Variants in GMPS observed in about 807,000 individuals in gnomAD.
GMPS encodes guanosine monophosphate synthase.
In GMPS, 15 loss-of-function variants were observed where a neutral mutation model predicts 77.9. That is an observed-to-expected ratio of 0.19 (90% CI 0.13 to 0.30). GMPS has a LOEUF of 0.30. Ranked by LOEUF, GMPS falls within the 10% of genes least tolerant of loss-of-function variation. The pLI is 1.00. For synonymous variants in GMPS, 224 were observed against 275.9 expected, an observed-to-expected ratio of 0.81 and a Z score of 1.86; for missense variants, 590 against 838.8, an observed-to-expected ratio of 0.70 and a Z score of 3.66.
intron 12 of GMPS, among the ~76,000 whole-genome samples, chr3:155,928,311 A>T (rs1386057474): frequency 6.6e-6 from 1 of 152,080 alleles, no homozygotes; most frequent in African/African-American, 2.4e-5. Flanking sequence ...TACAGGCATG[A>T]GCTACCACGC....
intron 8 of GMPS, among the ~76,000 whole-genome samples, chr3:155,915,019 C>T (rs1412801980): frequency 6.6e-6 from 1 of 152,092 alleles, no homozygotes; most frequent in Non-Finnish European, 1.5e-5. Flanking sequence ...CCGCCCGCCT[C>T]AGCCTCCCGA....
At chr3:155,918,963 G>C (rs1041305214) in intron 9 of GMPS, among the ~76,000 whole-genome samples, 2 of 152,162 alleles carry the variant, frequency 1.3e-5, no homozygotes, top group African/African-American at 4.8e-5. Flanking sequence ...ATGAGAATTA[G>C]ATCAGAGATG....
Position 155,913,933 on chromosome 3 carries a change from A to G in GMPS, c.887-486A>G, listed in dbSNP as rs1755102344. Among the ~76,000 whole-genome samples, 4 of 151,734 alleles carry G rather than the reference A, an allele frequency of 2.6e-5. No individual in the cohort carries two copies. The South Asian group carries it at 8.3e-4, about 32-fold the overall frequency. ...GAATTCTGTTACTCAGGATTTATTG[A>G]TAGTTCTTTTTCTTTTCTTATTTTT... is the stretch of plus-strand genomic sequence containing the variant. On this transcript the variant is annotated intron_variant, in intron 7 of 15. Transcript: ENST00000496455.
At chr3:155,896,202 G>C (rs376444276) in intron 2 of GMPS, among the ~76,000 whole-genome samples, 299 of 151,970 alleles carry the variant, frequency 2.0e-3, no homozygotes, top group African/African-American at 6.6e-3. Flanking sequence ...GTAGAGACAG[G>C]GTTTTGCCAT....
chr3:155,911,207 A>G lies in GMPS; in HGVS notation c.814A>G (p.Asn272Asp), dbSNP rs1162177577. The G allele has an allele frequency of 5.0e-6, 8 of 1,612,956 alleles. No individual in the cohort carries two copies. The Admixed American group carries it at 6.7e-5, about 13-fold the overall frequency. The change falls in exon 7 of 16, where the codon AAT (asparagine) becomes GAT (aspartate). Residue 272 changes from asparagine to aspartate, a missense_variant. Physicochemically the swap from Asn to Asp is conservative, Grantham distance 23. Transcript: ENST00000496455. ...QEQVIAVHID[N>D]GFMRKRESQS... ...ACAAGTCATTGCTGTGCACATTGAT[A>G]ATGGCTTTATGAGAAAACGAGAAAG...
chr3:155,931,255 A>T (rs544913913), intron 12 of GMPS, among the ~76,000 whole-genome samples: 1 of 151,312 alleles, frequency 6.6e-6, no homozygotes, highest in African/African-American at 2.4e-5. Flanking sequence ...ACGATCTCTC[A>T]GCTCACTGCA....
intron 1 of GMPS, among the ~76,000 whole-genome samples, chr3:155,877,862 A>T (rs1283312380): frequency 2.0e-5 from 3 of 147,648 alleles, no homozygotes; most frequent in Non-Finnish European, 3.0e-5. Flanking sequence ...GCTCACTGCA[A>T]CCTCCACCTC....
chr3:155,929,396 C>T (rs1260353608), intron 12 of GMPS, among the ~76,000 whole-genome samples: 2 of 152,020 alleles, frequency 1.3e-5, no homozygotes, highest in Admixed American at 6.6e-5. Context: ...GACAAACCCA[C>T]AGCCAATATC....
chr3:155,874,929 A>G (rs1397072734), intron 1 of GMPS, among the ~76,000 whole-genome samples: 1 of 108,348 alleles, frequency 9.2e-6, no homozygotes, highest in Non-Finnish European at 1.7e-5. Flanking sequence ...TTTTTTTGAG[A>G]CAGAGTCTGG....
intron 5 of GMPS, among the ~76,000 whole-genome samples, chr3:155,909,964 G>A (rs187193839): frequency 6.9e-4 from 105 of 151,378 alleles, no homozygotes; most frequent in African/African-American, 2.5e-3. Context: ...AATAAAATAG[G>A]CCGGGCGCAG....
In GMPS at chr3:155,925,274, A is replaced by G. The variant is rs1446764946; in HGVS notation, c.1468A>G (p.Thr490Ala). 2 of 1,613,136 alleles carry G rather than the reference A, an allele frequency of 1.2e-6. No individual in the cohort carries two copies. The highest frequency in any genetic ancestry group is 1.7e-5 in the Admixed American group (1 of 60,014). The change falls in exon 12 of 16, where the codon ACA (threonine) becomes GCA (alanine). Residue 490 changes from threonine (T) to alanine (A), a missense_variant. Coordinates refer to ENST00000496455, the MANE Select transcript of GMPS (RefSeq NM_003875.3). ...HTLLQRVKAC[T>A]TEEDQEKLMQ... ...CCTATTACAGAGAGTCAAAGCCTGC[A>G]CAACAGAAGAGGATCAGGAGAAGCT...
intron 1 of GMPS, among the ~76,000 whole-genome samples, chr3:155,884,674 G>T (rs1754288710): frequency 6.6e-6 from 1 of 152,064 alleles, no homozygotes; most frequent in Admixed American, 6.6e-5. Context: ...ATAGAGAATT[G>T]TTCTATTTTC....
chr3:155,899,106 G>A (rs1469197024), intron 3 of GMPS, among the ~76,000 whole-genome samples: 1 of 151,880 alleles, frequency 6.6e-6, no homozygotes, highest in Admixed American at 6.6e-5. Flanking sequence ...AGTGGCTCAC[G>A]CCTGTGATCC....
At chr3:155,920,600 AAAG>A (rs969364846) in intron 10 of GMPS, among the ~76,000 whole-genome samples, 4 of 150,756 alleles carry the variant, frequency 2.7e-5, no homozygotes, top group Non-Finnish European at 5.9e-5. Context: ...GAAAAAAAAA[AAAG>A]AAAAGAATGA....
At chr3:155,871,979 A>G (rs376880909) in intron 1 of GMPS, among the ~76,000 whole-genome samples, 279 of 152,320 alleles carry the variant, frequency 1.8e-3, no homozygotes, top group African/African-American at 6.4e-3. Flanking sequence ...GAAACCGTGC[A>G]GTTTTGAATT....
intron 10 of GMPS, among the ~76,000 whole-genome samples, chr3:155,919,740 C>T (rs1296188898): frequency 6.6e-6 from 1 of 152,212 alleles, no homozygotes; most frequent in Non-Finnish European, 1.5e-5. Context: ...TCTTTAAAAT[C>T]CTTGTCCTAT....
At chr3:155,869,853 A>T (rs1024370580), upstream of GMPS, among the ~76,000 whole-genome samples, 8 of 152,210 alleles carry the variant, frequency 5.3e-5, no homozygotes, top group Non-Finnish European at 1.2e-4. Flanking sequence ...CTCAAGTATT[A>T]TTCTTTATAC....
At chr3:155,907,589 C>T (rs1442260397) in intron 5 of GMPS, among the ~76,000 whole-genome samples, 1 of 152,048 alleles carries the variant, frequency 6.6e-6, no homozygotes, top group African/African-American at 2.4e-5. Context: ...ACCCTCTCTC[C>T]TAAGAAGAAA....
At chr3:155,892,410 G>A (rs1367694161) in intron 1 of GMPS, among the ~76,000 whole-genome samples, 3 of 151,940 alleles carry the variant, frequency 2.0e-5, no homozygotes, top group Admixed American at 6.6e-5. Flanking sequence ...GAAACCAGAC[G>A]AGTACAATGA....
Sources: gnomAD v4.1 joint callset for allele counts (sites outside exome capture counted in the v4.1 genomes callset) on GRCh38, gnomAD v4.1.1 for gene constraint, MANE v1.5 for transcripts, NCBI Gene and HGNC (gene_info 2026-07-23, HGNC 2026-07-21) for gene names.